The following CHST10 variants were observed in gnomAD, a reference collection of about 807,000 sequenced individuals.
CHST10 encodes carbohydrate sulfotransferase 10, also known as HNK-1 sulfotransferase.
Under a neutral mutation model 34.7 loss-of-function variants are expected in CHST10, and 24 were observed. The ratio of observed to expected loss-of-function variants is 0.69; its 90% CI spans 0.50 to 0.97. CHST10 has a LOEUF of 0.97. Ranked by LOEUF, CHST10 falls within the 50% of genes least tolerant of loss-of-function variation. The pLI is 0.00. For synonymous variants in CHST10, 161 were observed against 169.3 expected (o/e 0.95, Z 0.38); for missense variants, 402 against 452.1 (o/e 0.89, Z 1.00).
rs536718418 is a variant in CHST10 at position 100,415,127 on chromosome 2, A to T, written c.-103-16T>A. The T allele has an allele frequency of 1.9e-3, 744 of 386,426 alleles. 5 individuals are homozygous for T. Among genetic ancestry groups the T allele is most frequent in the African/African-American group, 0.014 (628 of 44,462 alleles). The allele number at this position is 386,426 out of a possible 1,614,324, so 23.9% of individuals were successfully genotyped here. ...CCTCTTGTCACTGGATAGGAAAATTAAAAAAAAAAAAGCATTATTAAAAGT... is the reference window on the plus strand; with the variant it reads ...CCTCTTGTCACTGGATAGGAAAATTTAAAAAAAAAAAGCATTATTAAAAGT... On this transcript the variant is annotated splice_polypyrimidine_tract_variant and intron_variant, in intron 1 of 6. Coordinates refer to ENST00000264249, the MANE Select transcript of CHST10 (RefSeq NM_004854.5).
chr2:100,411,953 AGTTCTGGGGC>A lies in CHST10; in HGVS notation c.-33+3078_-33+3087del, dbSNP rs542351734. 1.7e-3 allele frequency among the ~76,000 whole-genome samples: 259 copies of A among 152,300 alleles called. 6 individuals are homozygous for A. Among genetic ancestry groups the A allele is most frequent in the Admixed American group, 0.017 (258 of 15,306 alleles). On this transcript the variant is annotated intron_variant, in intron 2 of 6. Coordinates refer to ENST00000264249, the MANE Select transcript of CHST10 (RefSeq NM_004854.5). ...ACTAAACGCAGGCCCATGTGGCTGG[AGTTCTGGGGC>A]ACAGGCTGAGGCAGATGCAGGCCAG...
chr2:100,400,233 T>A (rs1295295152), intron 4 of CHST10, among the ~76,000 whole-genome samples: 3 of 152,202 alleles, frequency 2.0e-5, no homozygotes, highest in African/African-American at 7.2e-5. Flanking sequence ...TAGCAAAGCA[T>A]TAGAGACAAA....
chr2:100,397,873 C>T, intron 5 of CHST10, 35 bp downstream of exon 5: 1 of 1,551,080 alleles, frequency 6.4e-7, no homozygotes, highest in South Asian at 1.2e-5. Context: ...CCACCAAGAC[C>T]CTTCCCAGTG....
Position 100,402,619 on chromosome 2 carries a change from G to A in CHST10, c.137C>T (p.Thr46Ile). The change falls in exon 4 of 7, where the codon ACC becomes ATC. Residue 46 changes from threonine to isoleucine, a missense_variant. By Grantham distance (89) the Thr-to-Ile change is moderately conservative. Coordinates refer to ENST00000264249, the MANE Select transcript of CHST10 (RefSeq NM_004854.5). ...SAKQEFLFLT[T>I]MPEVRKLPEE... The stretch of plus-strand genomic sequence containing the variant: ...TGGCAACTTCCTCACTTCCGGCATG[G>A]TTGTCAGGAACAGAAACTCCTGTTT... The A allele has an allele frequency of 1.2e-6, 2 of 1,613,966 alleles. No individual in the cohort carries two copies. The highest frequency in any genetic ancestry group is 1.7e-6 in the Non-Finnish European group (2 of 1,179,892).
chr2:100,400,916 G>C (rs770181649), intron 4 of CHST10, among the ~76,000 whole-genome samples: 1 of 151,844 alleles, frequency 6.6e-6, no homozygotes, highest in Non-Finnish European at 1.5e-5. Flanking sequence ...CCTGACCTCA[G>C]GTGATCTGCC....
intron 4 of CHST10, among the ~76,000 whole-genome samples, chr2:100,400,933 G>A (rs906415142): frequency 4.6e-5 from 7 of 151,254 alleles, no homozygotes; most frequent in African/African-American, 1.2e-4. Flanking sequence ...TGCCCGCCTC[G>A]GCCTCCCAAA....
At position 100,392,978 on chromosome 2, in the gene CHST10, CT is replaced by C; in HGVS notation, c.*266del. 1 of 473,808 alleles carries C rather than the reference CT, an allele frequency of 2.1e-6. No individual in the cohort carries two copies. Among genetic ancestry groups the C allele is most frequent in the Non-Finnish European group, 3.8e-6 (1 of 263,704 alleles). The allele number at this position is 473,808 out of a possible 1,614,324, so 29.4% of individuals were successfully genotyped here. A position where few individuals can be genotyped will look rare whatever the true frequency, so the allele number is the denominator to read the frequency against. On this transcript the variant is annotated 3_prime_UTR_variant, in exon 7 of 7. Coordinates refer to ENST00000264249, the MANE Select transcript of CHST10 (RefSeq NM_004854.5). ...GGCTGTCAAACTGCAAATCTTTAGCCTTTTCTCCCCTCTGAGGTGAGCAAAG... is the reference window on the plus strand; with the variant it reads ...GGCTGTCAAACTGCAAATCTTTAGCCTTTCTCCCCTCTGAGGTGAGCAAAG...
intron 2 of CHST10, 136 bp downstream of exon 2, chr2:100,414,905 T>C: frequency 2.3e-6 from 1 of 442,382 alleles, no homozygotes; most frequent in Non-Finnish European, 3.8e-6. Context: ...TTATTATATT[T>C]AAGGAAACGT....
chr2:100,408,218 A>T (rs1219549788), intron 2 of CHST10: 1 of 152,046 alleles, frequency 6.6e-6, no homozygotes, highest in East Asian at 1.9e-4. Flanking sequence ...TGAACTTCAC[A>T]TTTAACCGAG....
Position 100,393,265 on chromosome 2 carries a change from G to A in CHST10, c.1051C>T (p.Pro351Ser). Reference sequence around the variant, plus strand: ...ATGCATTAGTTTAGCAAAAAGTCTGGTTTCTGGTACCCAAAGAGCTTAAAG... The same window carrying A: ...ATGCATTAGTTTAGCAAAAAGTCTGATTTCTGGTACCCAAAGAGCTTAAAG... ...GDFKLFGYQK[P>S]DFLLN The change falls in exon 7 of 7, where the codon CCA (proline) becomes TCA (serine). Residue 351 changes from proline to serine, a missense_variant. Physicochemically the swap from Pro to Ser is moderately conservative, Grantham distance 74 (BLOSUM62 -1). Transcript: ENST00000264249. 6.2e-7 allele frequency: 1 copy of A among 1,614,088 alleles called. No homozygotes were observed. The highest frequency in any genetic ancestry group is 8.5e-7 in the Non-Finnish European group (1 of 1,180,020).
At position 100,397,956 on chromosome 2, in the gene CHST10, G is replaced by C; in HGVS notation, c.379C>G (p.Pro127Ala). 6.2e-7 allele frequency: 1 copy of C among 1,614,106 alleles called. No individual in the cohort carries two copies. Among genetic ancestry groups the C allele is most frequent in the Non-Finnish European group, 8.5e-7 (1 of 1,180,000 alleles). The change falls in exon 5 of 7, where the codon CCC becomes GCC. Residue 127 changes from proline (P) to alanine (A), a missense_variant. Physicochemically the swap from Pro to Ala is conservative, Grantham distance 27 (BLOSUM62 -1). Coordinates refer to ENST00000264249, the MANE Select transcript of CHST10 (RefSeq NM_004854.5). ...TTCCACTGGGTGTTGCCCACTTTGG[G>C]AGTCTGGCAGAAAAGAATCTTGTGC... Reference protein sequence around the residue: ...DKHKILFCQTPKVGNTQWKKV... With the variant: ...DKHKILFCQTAKVGNTQWKKV...
At chr2:100,408,471 C>T (rs956004077) in intron 2 of CHST10, 2 of 152,136 alleles carry the variant, frequency 1.3e-5, no homozygotes, top group Non-Finnish European at 2.9e-5. Flanking sequence ...ATAGAAGGCC[C>T]TCCTCCTACC....
In CHST10 at chr2:100,397,904, A is replaced by G; in HGVS notation, c.427+4T>C. On this transcript the variant is annotated splice_donor_region_variant and intron_variant, in intron 5 of 6. Transcript: ENST00000264249. ...CAGTGGACATTCAGTAGACCCACACACACCATTTAGAACAATCAGCACTTT... is the reference window on the plus strand; with the variant it reads ...CAGTGGACATTCAGTAGACCCACACGCACCATTTAGAACAATCAGCACTTT... 1 of 1,607,672 alleles carries G rather than the reference A, an allele frequency of 6.2e-7. No individual in the cohort carries two copies. The highest frequency in any genetic ancestry group is 1.7e-5 in the Admixed American group (1 of 59,854).
chr2:100,398,234 C>T (rs1456266099), intron 4 of CHST10, 92 bp from the exon 5 acceptor site: 1 of 862,292 alleles, frequency 1.2e-6, no homozygotes, highest in African/African-American at 1.7e-5. Flanking sequence ...CTATCCCCTC[C>T]TTTCCATCTG....
chr2:100,393,498 C>G lies in CHST10; in HGVS notation c.818G>C (p.Cys273Ser). ...WVTYVELCAP[C>S]EIMYSVIGHH... is the part of the protein sequence containing the mutation. ...TCCAATCACACTGTACATTATCTCACAGGGAGCACAGAGCTCTACATACGT... is the reference window on the plus strand; with the variant it reads ...TCCAATCACACTGTACATTATCTCAGAGGGAGCACAGAGCTCTACATACGT... The change falls in exon 7 of 7, where the codon TGT becomes TCT. Residue 273 changes from cysteine to serine, a missense_variant. Cys to Ser is a moderately radical substitution (Grantham distance 112). Transcript: ENST00000264249. 1 of 1,614,134 alleles carries G rather than the reference C, an allele frequency of 6.2e-7. No individual in the cohort carries two copies. The highest frequency in any genetic ancestry group is 1.1e-5 in the South Asian group (1 of 91,080).
chr2:100,399,948 C>T (rs1190643767), intron 4 of CHST10, among the ~76,000 whole-genome samples: 6 of 152,302 alleles, frequency 3.9e-5, no homozygotes, highest in East Asian at 1.9e-4. Flanking sequence ...CCAGGAGCCA[C>T]GCCAGGCACT....
At chr2:100,397,821 G>A in intron 5 of CHST10, 87 bp downstream of exon 5, 1 of 1,083,818 alleles carries the variant, frequency 9.2e-7, no homozygotes, top group South Asian at 1.5e-5. Flanking sequence ...CAGCCCTCTT[G>A]TGACTCCTCC....
intron 4 of CHST10, among the ~76,000 whole-genome samples, chr2:100,400,347 C>T (rs1241313621): frequency 6.6e-6 from 1 of 152,186 alleles, no homozygotes; most frequent in African/African-American, 2.4e-5. Context: ...TCAAGTGATT[C>T]TCCCACCTCA....
At chr2:100,416,804 C>A (rs1253410121) in intron 1 of CHST10, 2 of 417,600 alleles carry the variant, frequency 4.8e-6, no homozygotes, top group Non-Finnish European at 9.0e-6. Flanking sequence ...TCCTGCCTTG[C>A]AGACTTGGAA....
Sources: gnomAD v4.1 joint callset for allele counts (sites outside exome capture counted in the v4.1 genomes callset) on GRCh38, gnomAD v4.1.1 for gene constraint, MANE v1.5 for transcripts, NCBI Gene and HGNC (gene_info 2026-07-23, HGNC 2026-07-21) for gene names.